The following DIAPH3 variants were observed in gnomAD, a reference collection of about 807,000 sequenced individuals.
DIAPH3 encodes the protein diaphanous related formin 3, also known as protein diaphanous homolog 3.
Under a neutral mutation model 144.3 loss-of-function variants are expected in DIAPH3, and 117 were observed. The observed-to-expected ratio is 0.81, with a 90% CI of 0.70 to 0.95. The LOEUF (loss-of-function observed/expected upper bound fraction) is 0.95, where lower values mean the gene tolerates loss of function less well. Among genes scored for constraint, DIAPH3 ranks in the 40% least tolerant of loss-of-function variants. The pLI, the probability that DIAPH3 is intolerant of heterozygous loss-of-function variation, is 0.00. For missense variants in DIAPH3, 1,421 were observed against 1,412.7 expected (o/e 1.01, Z -0.09); for synonymous variants, 519 against 488.9 (o/e 1.06, Z -0.81).
intron 27 of DIAPH3, among the ~76,000 whole-genome samples, chr13:59,725,359 A>C (rs2035557804): frequency 6.6e-6 from 1 of 152,198 alleles, no homozygotes; most frequent in South Asian, 2.1e-4. Flanking sequence ...GAAATAATAG[A>C]AGTAAACAGA....
chr13:59,817,687 C>T (rs952984853), intron 24 of DIAPH3, among the ~76,000 whole-genome samples: 3 of 151,734 alleles, frequency 2.0e-5, no homozygotes, highest in Non-Finnish European at 3.0e-5. Context: ...TTTAGTTATG[C>T]CTTTATTTTT....
At chr13:59,884,471 C>G (rs1469158246) in intron 20 of DIAPH3, among the ~76,000 whole-genome samples, 1 of 152,158 alleles carries the variant, frequency 6.6e-6, no homozygotes, top group African/African-American at 2.4e-5. Context: ...AGGTTGAGGA[C>G]TGCTGCTCCA....
chr13:59,766,912 G>A (rs7985120), intron 27 of DIAPH3, among the ~76,000 whole-genome samples: 52,057 of 151,966 alleles, frequency 0.34, 9,395 homozygotes, highest in African/African-American at 0.45. Context: ...GAGTCCTTCA[G>A]TCCAATCTGT....
chr13:59,774,351 C>A (rs566429047), intron 26 of DIAPH3, 103 bp from the exon 27 acceptor site: 5 of 956,784 alleles, frequency 5.2e-6, no homozygotes, highest in African/African-American at 3.3e-5. Flanking sequence ...GTATTTCTGG[C>A]AGCAAAGTAA....
intron 4 of DIAPH3, among the ~76,000 whole-genome samples, chr13:60,090,643 G>C (rs996782893): frequency 1.3e-5 from 2 of 152,096 alleles, no homozygotes; most frequent in African/African-American, 4.8e-5. Flanking sequence ...TTTCAGAGTA[G>C]CTTTTTCAAT....
At chr13:60,077,246 C>T (rs1027372418) in intron 4 of DIAPH3, among the ~76,000 whole-genome samples, 3 of 151,604 alleles carry the variant, frequency 2.0e-5, no homozygotes, top group Admixed American at 1.3e-4. Flanking sequence ...GTAAAGATCA[C>T]GAGCTATAAA....
intron 22 of DIAPH3, among the ~76,000 whole-genome samples, chr13:59,845,863 T>C (rs554913784): frequency 6.6e-6 from 1 of 152,228 alleles, no homozygotes; most frequent in Non-Finnish European, 1.5e-5. Context: ...TTCCTTAAGA[T>C]AAGACACCAT....
chr13:59,779,295 C>G (rs975614843), intron 25 of DIAPH3, among the ~76,000 whole-genome samples: 1 of 152,132 alleles, frequency 6.6e-6, no homozygotes, highest in Non-Finnish European at 1.5e-5. Context: ...TCATTCCTGA[C>G]ATATGCAATA....
At chr13:59,801,078 T>C (rs538184311) in intron 25 of DIAPH3, among the ~76,000 whole-genome samples, 79 of 152,258 alleles carry the variant, frequency 5.2e-4, no homozygotes, top group Non-Finnish European at 8.7e-4. Flanking sequence ...GAAAGTACAA[T>C]CTAATTAGCC....
intron 5 of DIAPH3, among the ~76,000 whole-genome samples, chr13:60,038,454 T>C (rs942728125): frequency 2.6e-5 from 4 of 152,122 alleles, no homozygotes; most frequent in African/African-American, 9.7e-5. Context: ...GAAATCAAGA[T>C]GTTCCACCTG....
intron 4 of DIAPH3, among the ~76,000 whole-genome samples, chr13:60,079,639 T>TG (rs1406793813): frequency 1.3e-5 from 2 of 151,884 alleles, no homozygotes; most frequent in Non-Finnish European, 2.9e-5. Context: ...TCACAGATGA[T>TG]GTCTTATGGG....
intron 7 of DIAPH3, among the ~76,000 whole-genome samples, chr13:60,012,554 C>CTA (rs778896359): frequency 6.6e-6 from 1 of 152,166 alleles, no homozygotes; most frequent in Non-Finnish European, 1.5e-5. Context: ...CAATGATTAC[C>CTA]AAGTACACAA....
chr13:59,728,141 A>G (rs909781578), intron 27 of DIAPH3, among the ~76,000 whole-genome samples: 3 of 151,990 alleles, frequency 2.0e-5, no homozygotes, highest in Admixed American at 6.6e-5. Flanking sequence ...GTTGAAATAT[A>G]TTCTCCTAGT....
intron 12 of DIAPH3, among the ~76,000 whole-genome samples, chr13:59,988,141 T>C (rs1337220353): frequency 3.3e-5 from 5 of 151,974 alleles, no homozygotes; most frequent in Non-Finnish European, 5.9e-5. Flanking sequence ...AGATGACTAA[T>C]GATCATTAAC....
intron 15 of DIAPH3, among the ~76,000 whole-genome samples, chr13:59,973,034 C>T (rs1198597388): frequency 6.6e-6 from 1 of 152,048 alleles, no homozygotes; most frequent in Admixed American, 6.6e-5. Flanking sequence ...AATATGGTGG[C>T]CAATATTAAG....
chr13:59,904,640 G>A (rs533815284), intron 20 of DIAPH3, among the ~76,000 whole-genome samples: 11 of 151,022 alleles, frequency 7.3e-5, no homozygotes, highest in South Asian at 2.1e-4. Flanking sequence ...GGACCAATGC[G>A]TCCCTAAAAA....
Position 59,757,205 on chromosome 13 carries a change from A to G in DIAPH3, c.3319+16984T>C, listed in dbSNP as rs186452483. 3.3e-3 allele frequency among the ~76,000 whole-genome samples: 502 copies of G among 152,274 alleles called. 4 individuals carry two copies. The highest frequency in any genetic ancestry group is 0.012 in the African/African-American group (479 of 41,556). The stretch of plus-strand genomic sequence containing the variant: ...ACGGACATGTCCATAGGCTGCTGGT[A>G]GGAGTATAATTTAGTATAATCTCTT... On this transcript the variant is annotated intron_variant, in intron 27 of 27. Coordinates refer to ENST00000400324, the MANE Select transcript of DIAPH3 (RefSeq NM_001042517.2).
chr13:59,882,450 A>T (rs981131051), intron 20 of DIAPH3, among the ~76,000 whole-genome samples: 4 of 152,168 alleles, frequency 2.6e-5, no homozygotes, highest in Non-Finnish European at 4.4e-5. Context: ...AAAAAGGGTT[A>T]AGAAGGGGGA....
chr13:60,073,295 C>T (rs1476873171), intron 4 of DIAPH3, among the ~76,000 whole-genome samples: 2 of 149,126 alleles, frequency 1.3e-5, no homozygotes, highest in Non-Finnish European at 3.0e-5. Context: ...GGCAACAGAG[C>T]GGGATGTTGT....
Sources: allele counts gnomAD v4.1 joint callset (sites outside exome capture counted in the v4.1 genomes callset), GRCh38; gene constraint gnomAD v4.1.1; transcripts MANE v1.5; gene names NCBI Gene and HGNC (gene_info 2026-07-23, HGNC 2026-07-21).